RAP1GDS1: variants seen among roughly 807,000 people sequenced by gnomAD.
The protein encoded by RAP1GDS1 is RAP1, GTP-GDP dissociation stimulator 1.
RAP1GDS1 carries 35 observed loss-of-function variants against 71.1 expected under a neutral mutation model. The ratio of observed to expected loss-of-function variants is 0.49; its 90% CI spans 0.38 to 0.65. The LOEUF (loss-of-function observed/expected upper bound fraction) is 0.65, where lower values mean the gene tolerates loss of function less well. Among genes scored for constraint, RAP1GDS1 ranks in the 30% least tolerant of loss-of-function variants. RAP1GDS1 has a pLI of 0.00. For synonymous variants in RAP1GDS1, 229 were observed against 243.1 expected, an observed-to-expected ratio of 0.94 and a Z score of 0.54; for missense variants, 663 against 706.1, an observed-to-expected ratio of 0.94 and a Z score of 0.69.
intron 2 of RAP1GDS1, among the ~76,000 whole-genome samples, chr4:98,313,794 C>A (rs1400895734): frequency 2.0e-5 from 3 of 152,074 alleles, no homozygotes; most frequent in Admixed American, 6.6e-5. Context: ...GTGTAGTAAG[C>A]CATGATCATG....
At chr4:98,427,567 G>T (rs1749790195) in intron 12 of RAP1GDS1, among the ~76,000 whole-genome samples, 1 of 151,972 alleles carries the variant, frequency 6.6e-6, no homozygotes, top group Non-Finnish European at 1.5e-5. Flanking sequence ...ATCACCAAGA[G>T]CAACTAAGCT....
At chr4:98,337,333 T>C (rs1480953801) in intron 2 of RAP1GDS1, among the ~76,000 whole-genome samples, 1 of 152,242 alleles carries the variant, frequency 6.6e-6, no homozygotes, top group Non-Finnish European at 1.5e-5. Context: ...CTTACTCTTG[T>C]AAAATGTGTT....
chr4:98,421,542 T>C, intron 12 of RAP1GDS1, 148 bp downstream of exon 12: 1 of 846,128 alleles, frequency 1.2e-6, no homozygotes, highest in Non-Finnish European at 1.6e-6. Flanking sequence ...GCTTAGCTGA[T>C]ACATGGGATA....
chr4:98,269,976 A>G (rs1723228458), intron 1 of RAP1GDS1, among the ~76,000 whole-genome samples: 1 of 152,192 alleles, frequency 6.6e-6, no homozygotes, highest in South Asian at 2.1e-4. Flanking sequence ...TGGGTAATAT[A>G]TAAAGAACAG....
In RAP1GDS1 at chr4:98,360,088, C is replaced by T. The variant is rs184227726; in HGVS notation, c.361+7487C>T. 5.4e-3 allele frequency among the ~76,000 whole-genome samples: 827 copies of T among 152,176 alleles called. 8 individuals carry two copies. Among genetic ancestry groups the T allele is most frequent in the Admixed American group, 6.7e-3 (102 of 15,280 alleles). ...CTTTTATTAAATGGTGTTTGGAAAT[C>T]CAAGATTCTATAAAGTTTACCTTAA... On this transcript the variant is annotated intron_variant, in intron 4 of 14. Coordinates refer to ENST00000408927, the MANE Select transcript of RAP1GDS1 (RefSeq NM_001100427.2).
At chr4:98,409,855 C>T (rs529741048) in intron 7 of RAP1GDS1, 164 of 190,716 alleles carry the variant, frequency 8.6e-4, no homozygotes, top group Non-Finnish European at 1.5e-3. Flanking sequence ...AAAGTTAAAA[C>T]TTCAGAGGGT....
chr4:98,352,762 CGTT>C (rs1737401897), intron 4 of RAP1GDS1, among the ~76,000 whole-genome samples, 161 bp downstream of exon 4: 1 of 152,048 alleles, frequency 6.6e-6, no homozygotes, highest in South Asian at 2.1e-4. Context: ...AGATTCAGGT[CGTT>C]GTATTCTTAT....
At chr4:98,389,137 C>T (rs1314557932) in intron 5 of RAP1GDS1, among the ~76,000 whole-genome samples, 1 of 152,156 alleles carries the variant, frequency 6.6e-6, no homozygotes, top group Non-Finnish European at 1.5e-5. Context: ...AATGTCAACA[C>T]AGTGGCAAGA....
At chr4:98,362,520 C>T (rs1738890844) in intron 4 of RAP1GDS1, among the ~76,000 whole-genome samples, 2 of 151,948 alleles carry the variant, frequency 1.3e-5, no homozygotes, top group African/African-American at 4.8e-5. Context: ...TTACCATTTC[C>T]CTGCTCCAGG....
In RAP1GDS1 at chr4:98,317,846, C is replaced by CTT. The variant is rs10690106; in HGVS notation, c.112+24343_112+24344dup. Among the ~76,000 whole-genome samples the CTT allele has an allele frequency of 4.9e-3, 680 of 139,036 alleles. 10 individuals carry two copies. The highest frequency in any genetic ancestry group is 0.036 in the Middle Eastern group (10 of 276). 91.2% of individuals were successfully genotyped at this position (139,036 alleles called of 152,430 possible). A position where few individuals can be genotyped will look rare whatever the true frequency, so the allele number is the denominator to read the frequency against. ...TATATATTTTTTTTTCTTTTCTTCT[C>CTT]TTTTTTTTTTTTTGAGACAGAATCT... On this transcript the variant is annotated intron_variant, in intron 2 of 14. Transcript: ENST00000408927.
At chr4:98,275,979 G>A (rs1724139160) in intron 1 of RAP1GDS1, among the ~76,000 whole-genome samples, 1 of 152,100 alleles carries the variant, frequency 6.6e-6, no homozygotes, top group Non-Finnish European at 1.5e-5. Context: ...CTAGAGTACT[G>A]TCTGAGTTCA....
intron 2 of RAP1GDS1, among the ~76,000 whole-genome samples, chr4:98,330,340 C>T (rs1398653157): frequency 6.6e-6 from 1 of 152,206 alleles, no homozygotes. Context: ...TTGGGTACAC[C>T]TCCCAGACGG....
In RAP1GDS1 at chr4:98,382,877, C is replaced by T. The variant is rs374154403; in HGVS notation, c.508+3714C>T. Reference sequence around the variant, plus strand: ...CACTATGTTAGTTGATGTTCCTTATCTACGTATGATACATGGTGGCAGCAG... The same window carrying T: ...CACTATGTTAGTTGATGTTCCTTATTTACGTATGATACATGGTGGCAGCAG... On this transcript the variant is annotated intron_variant, in intron 5 of 14. Transcript: ENST00000408927. 1.7e-3 allele frequency among the ~76,000 whole-genome samples: 260 copies of T among 151,784 alleles called. 5 individuals carry two copies. The South Asian group carries it at 0.026, about 15-fold the overall frequency.
chr4:98,386,213 A>G (rs1578682673), intron 5 of RAP1GDS1, among the ~76,000 whole-genome samples: 2 of 151,922 alleles, frequency 1.3e-5, no homozygotes, highest in East Asian at 3.8e-4. Flanking sequence ...CCTGTAGTAA[A>G]TATGGGGAAA....
At chr4:98,299,047 T>C (rs987319741) in intron 2 of RAP1GDS1, among the ~76,000 whole-genome samples, 5 of 152,170 alleles carry the variant, frequency 3.3e-5, no homozygotes, top group African/African-American at 1.2e-4. Context: ...CCTAATGCTA[T>C]CCTTTCCCCA....
chr4:98,432,061 T>C lies in RAP1GDS1; in HGVS notation c.1441-1875T>C, dbSNP rs888993519. On this transcript the variant is annotated intron_variant, in intron 12 of 14. Coordinates refer to ENST00000408927, the MANE Select transcript of RAP1GDS1 (RefSeq NM_001100427.2). ...ACTCATCATTTACATTAGGTATTTC[T>C]CCTAATGCTATCCCTCCCCGCTCCC... Among the ~76,000 whole-genome samples the C allele has an allele frequency of 2.6e-5, 4 of 152,238 alleles. No homozygotes were observed. In the East Asian group the frequency reaches 7.7e-4, roughly 29 times the overall value.
intron 2 of RAP1GDS1, among the ~76,000 whole-genome samples, chr4:98,340,216 GAC>G (rs1405426975): frequency 1.3e-5 from 2 of 152,128 alleles, no homozygotes; most frequent in African/African-American, 4.8e-5. Flanking sequence ...CTACGATAAA[GAC>G]ACACACATCG....
chr4:98,392,143 C>T, intron 6 of RAP1GDS1, 63 bp downstream of exon 6: 1 of 1,425,238 alleles, frequency 7.0e-7, no homozygotes, highest in Non-Finnish European at 9.5e-7. Context: ...ATAAATTTTT[C>T]TGTAGATATT....
At chr4:98,441,505 A>G in intron 14 of RAP1GDS1, 1 of 984,344 alleles carries the variant, frequency 1.0e-6, no homozygotes, top group South Asian at 4.7e-5. Context: ...ATAGGGTTGT[A>G]TGTAACCAAA....
Sources: gnomAD v4.1 joint callset for allele counts (sites outside exome capture counted in the v4.1 genomes callset) on GRCh38, gnomAD v4.1.1 for gene constraint, MANE v1.5 for transcripts, NCBI Gene and HGNC (gene_info 2026-07-23, HGNC 2026-07-21) for gene names.